Variants in PTPRQ observed in about 807,000 individuals in gnomAD.
PTPRQ encodes phosphatidylinositol phosphatase PTPRQ.
Under a neutral mutation model 246.0 loss-of-function variants are expected in PTPRQ, and 199 were observed. The observed-to-expected ratio is 0.81, with a 90% CI of 0.72 to 0.91. The LOEUF is 0.91. PTPRQ is among the 40% of genes least tolerant of loss of function. The pLI is 0.00. For synonymous variants in PTPRQ, 869 were observed against 853.2 expected (o/e 1.02, Z -0.32); for missense variants, 2,624 against 2,528.4 (o/e 1.04, Z -0.81).
chr12:80,474,608 G>A (rs1364940946), intron 8 of PTPRQ, among the ~76,000 whole-genome samples: 1 of 152,042 alleles, frequency 6.6e-6, no homozygotes, highest in Non-Finnish European at 1.5e-5. Context: ...TTCTGCATAG[G>A]CATGAAAATA....
intron 33 of PTPRQ, among the ~76,000 whole-genome samples, chr12:80,630,005 TA>T (rs1252115321): frequency 6.6e-6 from 1 of 152,230 alleles, no homozygotes; most frequent in Admixed American, 6.5e-5. Context: ...ATTCCACTCC[TA>T]AATACTTTAG....
intron 14 of PTPRQ, among the ~76,000 whole-genome samples, chr12:80,500,158 C>T (rs1894754906): frequency 6.6e-6 from 1 of 151,990 alleles, no homozygotes; most frequent in Non-Finnish European, 1.5e-5. Context: ...TTGGCAGATT[C>T]AAGGTAACTT....
At position 80,477,615 on chromosome 12, in the gene PTPRQ, G is replaced by A. The variant is rs200591843; in HGVS notation, c.1186+5364G>A. On this transcript the variant is annotated intron_variant, in intron 8 of 44. Coordinates refer to ENST00000644991, the MANE Select transcript of PTPRQ (RefSeq NM_001145026.2). ...GGGTGATTTCTGCATTTCCATCTGA[G>A]GTACCGGGTTCATCTCACTAGGGCC... 2.6e-5 allele frequency among the ~76,000 whole-genome samples: 4 copies of A among 152,156 alleles called. No individual in the cohort carries two copies. The East Asian group carries it at 7.7e-4, about 29-fold the overall frequency.
At chr12:80,580,570 T>C (rs1372094206) in intron 25 of PTPRQ, among the ~76,000 whole-genome samples, 1 of 152,198 alleles carries the variant, frequency 6.6e-6, no homozygotes, top group Non-Finnish European at 1.5e-5. Flanking sequence ...GAGAAGATAC[T>C]GGATATAAAT....
Position 80,496,075 on chromosome 12 carries a change from A to AAAT in PTPRQ, c.1960_1962dup (p.Asn654dup), listed in dbSNP as rs1265470961. On this transcript the variant is annotated inframe_insertion, in exon 13 of 45. Coordinates refer to ENST00000644991, the MANE Select transcript of PTPRQ (RefSeq NM_001145026.2). ...TTGGAGAAAGTTCTTTGTCTGAAGA[A>AAAT]AATGACATCTTTGTGAGAACTTCAG... 1 of 1,549,314 alleles carries AAAT rather than the reference A, an allele frequency of 6.5e-7. No homozygotes were observed. The highest frequency in any genetic ancestry group is 1.4e-5 in the African/African-American group (1 of 72,884).
chr12:80,496,462 A>G lies in PTPRQ; in HGVS notation c.2203A>G (p.Arg735Gly), dbSNP rs1217272761. ...TCACACCCTCTATAACATTTCTGTA[A>G]GGTCTTACACCAGATTTGGTCATGG... Reference protein sequence around the residue: ...RPHTLYNISVRSYTRFGHGNQ... With the variant: ...RPHTLYNISVGSYTRFGHGNQ... Residue 735 changes from arginine (R) to glycine (G), a missense_variant, in exon 14 of 45, where the codon AGG becomes GGG. Physicochemically the swap from Arg to Gly is moderately radical, Grantham distance 125. Coordinates refer to ENST00000644991, the MANE Select transcript of PTPRQ (RefSeq NM_001145026.2). 1 of 1,550,634 alleles carries G rather than the reference A, an allele frequency of 6.4e-7. No homozygotes were observed. The highest frequency in any genetic ancestry group is 1.4e-5 in the African/African-American group (1 of 72,984).
At chr12:80,450,365 T>G (rs1592514894) in intron 3 of PTPRQ, among the ~76,000 whole-genome samples, 1 of 152,188 alleles carries the variant, frequency 6.6e-6, no homozygotes, top group East Asian at 1.9e-4. Flanking sequence ...TGAATACCCT[T>G]TATTTCCTTC....
At chr12:80,514,597 T>C (rs1476789448) in intron 17 of PTPRQ, among the ~76,000 whole-genome samples, 1 of 127,410 alleles carries the variant, frequency 7.8e-6, no homozygotes, top group African/African-American at 2.9e-5. Context: ...ATAATATATA[T>C]AATATATTTG....
chr12:80,659,368 G>A (rs189261899), intron 39 of PTPRQ, among the ~76,000 whole-genome samples: 6 of 152,024 alleles, frequency 3.9e-5, no homozygotes, highest in Admixed American at 6.6e-5. Context: ...ACAAAATGAT[G>A]CATATATGCA....
intron 10 of PTPRQ, 92 bp from the exon 11 acceptor site, chr12:80,494,841 C>A (rs1174229298): frequency 7.5e-7 from 1 of 1,324,944 alleles, no homozygotes. Context: ...ACGGAGAAAT[C>A]AGGTTTAAGA....
Position 80,632,291 on chromosome 12 carries a change from G to C in PTPRQ, c.5786G>C (p.Arg1929Thr), listed in dbSNP as rs1899469927. Reference sequence around the variant, plus strand: ...GGAACAGCTATTTTTGCATTTGCAAGGTAAGATTTATTTGCGCTTACATTC... The same window carrying C: ...GGAACAGCTATTTTTGCATTTGCAACGTAAGATTTATTTGCGCTTACATTC... ...LLGTAIFAFARIRQKQKEGGT... is the reference protein window; with the variant it reads ...LLGTAIFAFATIRQKQKEGGT... The change falls in exon 34 of 45, where the codon AGA becomes ACA. Residue 1929 changes from arginine to threonine, a missense_variant and splice_region_variant. Physicochemically the swap from Arg to Thr is moderately conservative, Grantham distance 71 (BLOSUM62 -1). Transcript: ENST00000644991. 3 of 1,551,082 alleles carry C rather than the reference G, an allele frequency of 1.9e-6. No individual in the cohort carries two copies. In the East Asian group the frequency reaches 7.3e-5, roughly 38 times the overall value.
At position 80,549,743 on chromosome 12, in the gene PTPRQ, C is replaced by T. The variant is rs190917077; in HGVS notation, c.4285+9C>T. On this transcript the variant is annotated intron_variant, in intron 25 of 44. Coordinates refer to ENST00000644991, the MANE Select transcript of PTPRQ (RefSeq NM_001145026.2). ...CACACTACCTGAAACAGGTAACTAA[C>T]GTGAAACAGGTAACTAACATGAAAC... is the stretch of plus-strand genomic sequence containing the variant. 288 of 1,365,198 alleles carry T rather than the reference C, an allele frequency of 2.1e-4. 3 individuals carry two copies. In the African/African-American group the frequency reaches 3.1e-3, roughly 15 times the overall value. The allele number at this position is 1,365,198 out of a possible 1,614,324, so 84.6% of individuals were successfully genotyped here.
chr12:80,471,895 A>G (rs1893649763), intron 7 of PTPRQ, among the ~76,000 whole-genome samples: 1 of 152,082 alleles, frequency 6.6e-6, no homozygotes, highest in Non-Finnish European at 1.5e-5. Flanking sequence ...GCACTGGAAC[A>G]TTTTCATGTT....
At chr12:80,474,929 A>G (rs12099453) in intron 8 of PTPRQ, among the ~76,000 whole-genome samples, 26,808 of 152,122 alleles carry the variant, frequency 0.18, 2,548 homozygotes, top group Middle Eastern at 0.24. Context: ...CTTTCTGCAA[A>G]TAGTAGTAAA....
chr12:80,556,966 C>CTATTATA (rs1896664267), intron 25 of PTPRQ, among the ~76,000 whole-genome samples: 1 of 152,060 alleles, frequency 6.6e-6, no homozygotes, highest in African/African-American at 2.4e-5. Flanking sequence ...ATGTGACTGT[C>CTATTATA]CCAGAAGTTT....
At chr12:80,448,503 T>A (rs1027526363) in intron 3 of PTPRQ, among the ~76,000 whole-genome samples, 5 of 152,006 alleles carry the variant, frequency 3.3e-5, no homozygotes, top group Non-Finnish European at 7.4e-5. Context: ...TAGGTATATC[T>A]CCCAATGCTA....
intron 3 of PTPRQ, among the ~76,000 whole-genome samples, chr12:80,456,747 G>T (rs1892994921): frequency 6.6e-6 from 1 of 152,070 alleles, no homozygotes; most frequent in Admixed American, 6.5e-5. Context: ...AAGGGTATTT[G>T]GCATGATACA....
chr12:80,546,780 T>C, intron 24 of PTPRQ, 83 bp downstream of exon 24: 1 of 1,465,130 alleles, frequency 6.8e-7, no homozygotes, highest in Non-Finnish European at 9.2e-7. Flanking sequence ...TATGATAAAG[T>C]ATCATTACTT....
intron 25 of PTPRQ, among the ~76,000 whole-genome samples, chr12:80,569,020 A>T (rs910245095): frequency 6.6e-6 from 1 of 151,876 alleles, no homozygotes; most frequent in African/African-American, 2.4e-5. Flanking sequence ...GGACTGACTT[A>T]TCTCCTTTAG....
Sources: gnomAD v4.1 joint callset for allele counts (sites outside exome capture counted in the v4.1 genomes callset) on GRCh38, gnomAD v4.1.1 for gene constraint, MANE v1.5 for transcripts, NCBI Gene and HGNC (gene_info 2026-07-23, HGNC 2026-07-21) for gene names.